The following DMD variants were observed in gnomAD, a reference collection of about 807,000 sequenced individuals.
The protein encoded by DMD is dystrophin.
Under a neutral mutation model 330.1 loss-of-function variants are expected in DMD, and 63 were observed. The ratio of observed to expected loss-of-function variants is 0.19; its 90% CI spans 0.16 to 0.24. The LOEUF (loss-of-function observed/expected upper bound fraction) is 0.24. DMD is among the 10% of genes least tolerant of loss of function. The probability of loss-of-function intolerance (pLI) is 1.00; values close to 1 mark genes in which losing one functional copy is unlikely to be tolerated. For missense variants in DMD, 3,344 were observed against 2,684.1 expected, an observed-to-expected ratio of 1.25 and a Z score of -5.43; for synonymous variants, 1,223 against 959.8, an observed-to-expected ratio of 1.27 and a Z score of -5.07.
At chrX:32,154,135 T>A (rs1330092110) in intron 44 of DMD, among the ~76,000 whole-genome samples, 1 of 111,640 alleles carries the variant, frequency 9.0e-6, no homozygotes, top group East Asian at 2.8e-4. Flanking sequence ...AGAGAACCCA[T>A]AACTGTTTTC....
intron 62 of DMD, among the ~76,000 whole-genome samples, chrX:31,298,458 G>A (rs1286423413): frequency 9.1e-6 from 1 of 109,939 alleles, no homozygotes; most frequent in Non-Finnish European, 1.9e-5. Context: ...CAGAGTAATA[G>A]TGGTAATACC....
intron 50 of DMD, among the ~76,000 whole-genome samples, chrX:31,803,752 C>T (rs1048635863): frequency 1.3e-4 from 14 of 106,432 alleles, no homozygotes; most frequent in Non-Finnish European, 2.5e-4. Context: ...CAGGCTGGAG[C>T]GCAATGGCAC....
chrX:32,081,046 T>C (rs141298268), intron 44 of DMD, among the ~76,000 whole-genome samples: 2,880 of 111,854 alleles, frequency 0.026, 84 homozygotes, highest in African/African-American at 0.088. Flanking sequence ...CATGGGAAGA[T>C]AGGCAGTCTT....
chrX:32,001,234 C>T (rs1174971785), intron 44 of DMD, among the ~76,000 whole-genome samples: 1 of 110,712 alleles, frequency 9.0e-6, no homozygotes, highest in African/African-American at 3.3e-5. Flanking sequence ...AAACTGTACA[C>T]TTTAAAAAGG....
At chrX:33,246,796 C>A (rs777190175) in intron 1 of DMD, among the ~76,000 whole-genome samples, 1 of 110,647 alleles carries the variant, frequency 9.0e-6, no homozygotes, top group Non-Finnish European at 1.9e-5. Flanking sequence ...AGAGACTCTC[C>A]TGCCTCAGCC....
At chrX:33,298,577 C>T (rs1157213003) in intron 1 of DMD, among the ~76,000 whole-genome samples, 2 of 111,571 alleles carry the variant, frequency 1.8e-5, no homozygotes, top group African/African-American at 3.3e-5. Flanking sequence ...TTGAGCGTAT[C>T]GGACACTTTA....
intron 43 of DMD, among the ~76,000 whole-genome samples, chrX:32,232,414 G>A (rs1159456422): frequency 9.0e-6 from 1 of 111,008 alleles, no homozygotes; most frequent in Non-Finnish European, 1.9e-5. Context: ...ACATTAAGAG[G>A]ATTTCACCCC....
chrX:31,395,357 A>G (rs1410458733), intron 60 of DMD, among the ~76,000 whole-genome samples: 1 of 112,348 alleles, frequency 8.9e-6, no homozygotes, highest in Non-Finnish European at 1.9e-5. Flanking sequence ...GTTCATTTCT[A>G]TGAGTATCTT....
chrX:32,132,993 C>CTTTTCTTTTT (rs2096705124), intron 44 of DMD, among the ~76,000 whole-genome samples: 9 of 75,949 alleles, frequency 1.2e-4, no homozygotes, highest in African/African-American at 6.2e-4. Flanking sequence ...CTTTTCTTTT[C>CTTTTCTTTTT]TTTTTTTTTT....
intron 5 of DMD, among the ~76,000 whole-genome samples, chrX:32,818,489 A>G (rs952561551): frequency 2.7e-5 from 3 of 112,134 alleles, no homozygotes; most frequent in African/African-American, 9.7e-5. Context: ...GCCTGTAAAC[A>G]GAAAACTGTC....
chrX:33,009,932 G>A (rs796123394), intron 2 of DMD, among the ~76,000 whole-genome samples: 6 of 51,111 alleles, frequency 1.2e-4, no homozygotes, highest in Non-Finnish European at 2.0e-4. Context: ...GTATACACAT[G>A]TGTGTATATA....
intron 47 of DMD, among the ~76,000 whole-genome samples, chrX:31,894,690 G>A (rs1315057945): frequency 8.9e-6 from 1 of 111,928 alleles, no homozygotes; most frequent in African/African-American, 3.2e-5. Context: ...TCTACACATC[G>A]CTGTCCATTA....
chrX:32,959,155 G>A (rs58986718), intron 2 of DMD, among the ~76,000 whole-genome samples: 12,028 of 111,685 alleles, frequency 0.11, 614 homozygotes, highest in South Asian at 0.24. Context: ...TGAATGTAAC[G>A]TACTCATTAA....
intron 60 of DMD, among the ~76,000 whole-genome samples, chrX:31,422,037 ATATATAT>A (rs2063461359): frequency 6.5e-4 from 5 of 7,643 alleles, no homozygotes; most frequent in Non-Finnish European, 2.0e-3. Flanking sequence ...ACATATATAT[ATATATAT>A]TTTTTTTTTT....
intron 2 of DMD, among the ~76,000 whole-genome samples, chrX:32,935,291 T>C (rs1019542752): frequency 8.9e-6 from 1 of 112,564 alleles, no homozygotes; most frequent in African/African-American, 3.2e-5. Flanking sequence ...CTGACAGTTT[T>C]TAAAAATGAA....
chrX:32,813,718 G>T (rs754633745), intron 6 of DMD, among the ~76,000 whole-genome samples: 2 of 111,531 alleles, frequency 1.8e-5, no homozygotes, highest in South Asian at 3.7e-4. Flanking sequence ...CAAACAGAAT[G>T]TAATCCGAAA....
chrX:33,018,874 T>C (rs12834063), intron 2 of DMD, among the ~76,000 whole-genome samples: 1,780 of 104,635 alleles, frequency 0.017, 21 homozygotes, highest in Non-Finnish European at 0.025. Flanking sequence ...TGTGTTGTTA[T>C]ATTTTATTTC....
At chrX:32,692,850 T>C (rs1208272092) in intron 9 of DMD, among the ~76,000 whole-genome samples, 1 of 112,044 alleles carries the variant, frequency 8.9e-6, no homozygotes, top group Non-Finnish European at 1.9e-5. Flanking sequence ...TCTAAAGTAG[T>C]AATCATATTG....
At chrX:32,057,971 C>T (rs2096191687) in intron 44 of DMD, among the ~76,000 whole-genome samples, 1 of 111,130 alleles carries the variant, frequency 9.0e-6, no homozygotes, top group South Asian at 3.7e-4. Context: ...GAATACACAA[C>T]TGGGAAAGGA....
Sources: gnomAD v4.1 joint callset for allele counts (sites outside exome capture counted in the v4.1 genomes callset) on GRCh38, gnomAD v4.1.1 for gene constraint, MANE v1.5 for transcripts, NCBI Gene and HGNC (gene_info 2026-07-23, HGNC 2026-07-21) for gene names.